The following GLRA3 variants were observed in gnomAD, a reference collection of about 807,000 sequenced individuals.
GLRA3 encodes glycine receptor subunit alpha-3.
Under a neutral mutation model 60.4 loss-of-function variants are expected in GLRA3, and 44 were observed. That is an observed-to-expected ratio of 0.73 (90% CI 0.57 to 0.94). The LOEUF (loss-of-function observed/expected upper bound fraction) is 0.94. GLRA3 is among the 40% of genes least tolerant of loss of function. The pLI is 0.00. For missense variants in GLRA3, 508 were observed against 564.6 expected, an observed-to-expected ratio of 0.90 and a Z score of 1.02; for synonymous variants, 223 against 192.9, an observed-to-expected ratio of 1.16 and a Z score of -1.29.
intron 1 of GLRA3, among the ~76,000 whole-genome samples, chr4:174,800,056 A>C (rs1025257781): frequency 6.6e-6 from 1 of 152,162 alleles, no homozygotes; most frequent in South Asian, 2.1e-4. Flanking sequence ...TCCATAATTT[A>C]AGAATGAAAT....
At chr4:174,797,119 G>T (rs1739603072) in intron 1 of GLRA3, among the ~76,000 whole-genome samples, 1 of 152,084 alleles carries the variant, frequency 6.6e-6, no homozygotes, top group African/African-American at 2.4e-5. Context: ...CTTTTTTTAA[G>T]TTTTTTAAAA....
intron 2 of GLRA3, among the ~76,000 whole-genome samples, chr4:174,768,008 A>G (rs746417883): frequency 2.6e-5 from 4 of 152,118 alleles, no homozygotes; most frequent in Non-Finnish European, 5.9e-5. Context: ...TTTTCCACAA[A>G]TGCCCTAGAG....
At chr4:174,707,457 G>A (rs1372789940) in intron 5 of GLRA3, among the ~76,000 whole-genome samples, 1 of 152,054 alleles carries the variant, frequency 6.6e-6, no homozygotes, top group Admixed American at 6.6e-5. Context: ...AGACTGTTTT[G>A]CAGCTATCTC....
rs1054444402 is a variant in GLRA3, at chr4:174,642,530, T to A, written c.*1256A>T. The A allele has an allele frequency of 1.3e-5, 13 of 975,904 alleles. No individual in the cohort carries two copies. Among genetic ancestry groups the A allele is most frequent in the Non-Finnish European group, 1.3e-5 (11 of 821,444 alleles). 60.5% of individuals were successfully genotyped at this position (975,904 alleles called of 1,614,324 possible). A position where few individuals can be genotyped will look rare whatever the true frequency, so the allele number is the denominator to read the frequency against. On this transcript the variant is annotated 3_prime_UTR_variant, in exon 10 of 10. Transcript: ENST00000274093. The stretch of plus-strand genomic sequence containing the variant: ...AACTCTATCATACATTTGCACCCAA[T>A]TACACTGCAAAAAACAAGTTACTAA...
intron 1 of GLRA3, among the ~76,000 whole-genome samples, chr4:174,810,268 C>A (rs1026822002): frequency 6.6e-5 from 10 of 152,042 alleles, no homozygotes; most frequent in African/African-American, 2.4e-4. Context: ...AGATGCTGGA[C>A]TAGAAACCTC....
chr4:174,735,189 A>G (rs1030663286), intron 3 of GLRA3, among the ~76,000 whole-genome samples: 3 of 152,198 alleles, frequency 2.0e-5, no homozygotes, highest in Non-Finnish European at 4.4e-5. Flanking sequence ...AAGGCTAGAT[A>G]ACCAGGTGGA....
chr4:174,643,999 T>C lies in GLRA3; in HGVS notation c.1182A>G (p.Ala394=). ...TAYGMGPCLQ[A]KDGMTPKGPN... is the part of the protein sequence containing the mutation. ...GGCCCTTTGGAGTCATGCCATCCTTTGCTTGTAGACATGGTCCCATTCCAT... is the reference window on the plus strand; with the variant it reads ...GGCCCTTTGGAGTCATGCCATCCTTCGCTTGTAGACATGGTCCCATTCCAT... Residue 394 remains alanine (A), a synonymous_variant, in exon 10 of 10, where the codon GCA becomes GCG. Coordinates refer to ENST00000274093, the MANE Select transcript of GLRA3 (RefSeq NM_006529.4). 1 of 1,613,998 alleles carries C rather than the reference T, an allele frequency of 6.2e-7. No homozygotes were observed. The highest frequency in any genetic ancestry group is 8.5e-7 in the Non-Finnish European group (1 of 1,179,944).
chr4:174,661,726 C>T (rs893393565), intron 7 of GLRA3, among the ~76,000 whole-genome samples: 1 of 152,110 alleles, frequency 6.6e-6, no homozygotes, highest in African/African-American at 2.4e-5. Context: ...TCCACCAGAC[C>T]CAGCCAGCCT....
chr4:174,686,772 G>A (rs1268026162), intron 5 of GLRA3, among the ~76,000 whole-genome samples: 2 of 152,184 alleles, frequency 1.3e-5, no homozygotes, highest in African/African-American at 4.8e-5. Flanking sequence ...TCAAGAAGCA[G>A]CAAAATCATT....
intron 4 of GLRA3, among the ~76,000 whole-genome samples, chr4:174,717,363 GA>G (rs1245837671): frequency 8.2e-6 from 1 of 122,404 alleles, no homozygotes; most frequent in Non-Finnish European, 1.9e-5. Flanking sequence ...AAGAAAGAAG[GA>G]AAGGAAGGAA....
chr4:174,723,336 G>A (rs1323073236), intron 4 of GLRA3, among the ~76,000 whole-genome samples: 3 of 151,982 alleles, frequency 2.0e-5, no homozygotes, highest in Admixed American at 6.5e-5. Flanking sequence ...GGAATTAAGC[G>A]CTTTTGTCTT....
chr4:174,710,610 G>T (rs1056832709), intron 5 of GLRA3, among the ~76,000 whole-genome samples: 4 of 151,970 alleles, frequency 2.6e-5, no homozygotes, highest in Non-Finnish European at 4.4e-5. Context: ...TTACGCGGAC[G>T]TTTTTCCCCC....
chr4:174,715,106 G>C (rs1003403417), intron 5 of GLRA3, among the ~76,000 whole-genome samples: 1 of 152,152 alleles, frequency 6.6e-6, no homozygotes, highest in African/African-American at 2.4e-5. Context: ...TGAAAACGTA[G>C]GGATAACAAT....
intron 3 of GLRA3, among the ~76,000 whole-genome samples, chr4:174,752,752 A>C (rs1343207984): frequency 2.0e-5 from 3 of 152,100 alleles, no homozygotes; most frequent in African/African-American, 7.2e-5. Flanking sequence ...TTATCAGTGA[A>C]TATTTTCAGT....
chr4:174,781,501 CT>C (rs1417043641), intron 2 of GLRA3, among the ~76,000 whole-genome samples: 9 of 138,964 alleles, frequency 6.5e-5, no homozygotes, highest in Non-Finnish European at 1.2e-4. Flanking sequence ...ACAAAAAACC[CT>C]TCAAAAAATT....
intron 4 of GLRA3, among the ~76,000 whole-genome samples, chr4:174,728,228 T>G (rs1408528439): frequency 6.6e-6 from 1 of 152,210 alleles, no homozygotes; most frequent in Non-Finnish European, 1.5e-5. Context: ...TGGCTGATAT[T>G]AAGAATCACC....
intron 5 of GLRA3, among the ~76,000 whole-genome samples, chr4:174,695,887 A>C (rs1288373292): frequency 6.6e-6 from 1 of 152,172 alleles, no homozygotes; most frequent in Non-Finnish European, 1.5e-5. Flanking sequence ...CAACTTCAGC[A>C]AAGTTTCAGG....
rs2110825082 is a variant in GLRA3 at position 174,640,171 on chromosome 4, T to C, written c.*3615A>G. The C allele has an allele frequency of 6.6e-6, 1 of 152,244 alleles. No individual in the cohort carries two copies. Among genetic ancestry groups the C allele is most frequent in the Middle Eastern group, 3.4e-3 (1 of 294 alleles). 9.4% of individuals were successfully genotyped at this position (152,244 alleles called of 1,614,324 possible). On this transcript the variant is annotated 3_prime_UTR_variant, in exon 10 of 10. Coordinates refer to ENST00000274093, the MANE Select transcript of GLRA3 (RefSeq NM_006529.4). ...ATCACTTTTGGAGTAGAAGATATCA[T>C]GACCTCAAGGATTGTTAATGATATC... is the stretch of plus-strand genomic sequence containing the variant.
chr4:174,824,208 G>A (rs376505801), intron 1 of GLRA3, among the ~76,000 whole-genome samples: 6 of 152,222 alleles, frequency 3.9e-5, no homozygotes, highest in Admixed American at 3.3e-4. Context: ...CTATATTTCA[G>A]TATTTCTTTT....
Sources: gnomAD v4.1 joint callset for allele counts (sites outside exome capture counted in the v4.1 genomes callset) on GRCh38, gnomAD v4.1.1 for gene constraint, MANE v1.5 for transcripts, NCBI Gene and HGNC (gene_info 2026-07-23, HGNC 2026-07-21) for gene names.